LTBP1: variants seen among roughly 807,000 people sequenced by gnomAD.
The protein encoded by LTBP1 is latent-transforming growth factor beta-binding protein 1.
In LTBP1, 129 loss-of-function variants were observed where a neutral mutation model predicts 207.6. The ratio of observed to expected loss-of-function variants is 0.62; its 90% CI spans 0.54 to 0.72. LTBP1 has a LOEUF of 0.72. Ranked by LOEUF, LTBP1 falls within the 30% of genes least tolerant of loss-of-function variation. The pLI, the probability that LTBP1 is intolerant of heterozygous loss-of-function variation, is 0.00. For synonymous variants in LTBP1, 963 were observed against 833.7 expected (o/e 1.16, Z -2.67); for missense variants, 2,281 against 2,217.2 (o/e 1.03, Z -0.58).
At chr2:33,317,912 T>C (rs896519046) in intron 24 of LTBP1, 8 of 152,146 alleles carry the variant, frequency 5.3e-5, no homozygotes, top group African/African-American at 1.7e-4. Context: ...CATGGCAGCT[T>C]CTATAGCAAT....
rs1680556706 is a variant in LTBP1 at position 32,969,604 on chromosome 2, T to A, written c.565+20659T>A. 2.0e-5 allele frequency among the ~76,000 whole-genome samples: 3 copies of A among 152,318 alleles called. No individual in the cohort carries two copies. The South Asian group carries it at 6.2e-4, about 32-fold the overall frequency. The stretch of plus-strand genomic sequence containing the variant: ...CCATGTTGTTGCAAAGGACATGATC[T>A]CATTCTTTTTTAAGGCTGTGTAATA... On this transcript the variant is annotated intron_variant, in intron 2 of 33. Transcript: ENST00000404816.
At chr2:33,109,965 T>G (rs2080295699) in intron 3 of LTBP1, among the ~76,000 whole-genome samples, 1 of 152,252 alleles carries the variant, frequency 6.6e-6, no homozygotes, top group Non-Finnish European at 1.5e-5. Flanking sequence ...TTGCTTTTGC[T>G]TAACTAATAC....
At chr2:33,251,399 G>A (rs1044020345) in intron 10 of LTBP1, among the ~76,000 whole-genome samples, 3 of 152,128 alleles carry the variant, frequency 2.0e-5, no homozygotes, top group Non-Finnish European at 2.9e-5. Context: ...GGTGGCTCAC[G>A]CCTGTAATCC....
intron 26 of LTBP1, among the ~76,000 whole-genome samples, chr2:33,358,253 A>G (rs924157938): frequency 1.3e-5 from 2 of 152,092 alleles, no homozygotes; most frequent in East Asian, 3.8e-4. Context: ...AATTATAGTT[A>G]CATTATTGAT....
chr2:33,307,251 A>C (rs938542459), intron 22 of LTBP1, among the ~76,000 whole-genome samples: 1 of 152,188 alleles, frequency 6.6e-6, no homozygotes, highest in African/African-American at 2.4e-5. Flanking sequence ...AATATAACCT[A>C]ATTCCATGAC....
chr2:33,216,177 A>C (rs986793773), intron 7 of LTBP1, among the ~76,000 whole-genome samples: 2 of 152,210 alleles, frequency 1.3e-5, no homozygotes, highest in Admixed American at 1.3e-4. Context: ...CGCATTTAAC[A>C]AAAATGCATC....
intron 1 of LTBP1, among the ~76,000 whole-genome samples, chr2:32,948,033 G>A (rs1676519053): frequency 6.6e-6 from 1 of 152,232 alleles, no homozygotes; most frequent in Non-Finnish European, 1.5e-5. Context: ...AACTCCGAGT[G>A]CATTGTTACC....
intron 31 of LTBP1, among the ~76,000 whole-genome samples, chr2:33,379,119 C>T (rs2095180960): frequency 6.6e-6 from 1 of 151,092 alleles, no homozygotes; most frequent in South Asian, 2.1e-4. Flanking sequence ...CTGTTTTGAG[C>T]AGTTGTGCTG....
At chr2:33,310,570 T>A (rs1027356185) in intron 23 of LTBP1, among the ~76,000 whole-genome samples, 5 of 152,180 alleles carry the variant, frequency 3.3e-5, no homozygotes, top group Admixed American at 1.3e-4. Context: ...GGGAGTATGC[T>A]GCTCTCTAAT....
chr2:33,335,964 G>A lies in LTBP1; in HGVS notation c.3731-6874G>A, dbSNP rs534886469. Among the ~76,000 whole-genome samples, 7 of 152,238 alleles carry A rather than the reference G, an allele frequency of 4.6e-5. 1 individual carries two copies. The highest frequency in any genetic ancestry group is 1.7e-4 in the African/African-American group (7 of 41,538). ...TTCCAGGAGCACCGATGCTAGACAT[G>A]GTCCTGTCTAAGTCCTGGGACCTCC... On this transcript the variant is annotated intron_variant, in intron 24 of 33. Coordinates refer to ENST00000404816, the MANE Select transcript of LTBP1 (RefSeq NM_206943.4).
At chr2:33,264,151 A>T (rs553561139) in intron 15 of LTBP1, among the ~76,000 whole-genome samples, 2 of 147,784 alleles carry the variant, frequency 1.4e-5, no homozygotes, top group East Asian at 4.1e-4. Flanking sequence ...AGCTACTTAG[A>T]AGGCTGAGGC....
chr2:33,347,099 C>G (rs2094713186), intron 25 of LTBP1, among the ~76,000 whole-genome samples: 1 of 117,224 alleles, frequency 8.5e-6, no homozygotes, highest in African/African-American at 3.4e-5. Context: ...GCCTGGGCGA[C>G]AGAGCGAGAC....
At position 33,134,803 on chromosome 2, in the gene LTBP1, C is replaced by A. The variant is rs774033569; in HGVS notation, c.1044C>A (p.His348Gln). ...QVAAPFQLSN[H>Q]TGRIKVVFTP... is the part of the protein sequence containing the mutation. ...TGCCTCCGCTCCTAGTGAGTAACCA[C>A]ACTGGCCGCATCAAGGTGGTCTTTA... Residue 348 changes from histidine (H) to glutamine (Q), a missense_variant, in exon 5 of 34, where the codon CAC becomes CAA. His to Gln is a conservative substitution (Grantham distance 24). This residue lies in a region of LTBP1 where 555 missense variants were observed against 491.0 expected (regional missense o/e 1.13). Transcript: ENST00000404816. The surrounding 1 kb of genome is among the most constrained non-coding windows in gnomAD (Gnocchi z 4.4). 2 of 1,614,118 alleles carry A rather than the reference C, an allele frequency of 1.2e-6. No homozygotes were observed. The highest frequency in any genetic ancestry group is 1.7e-6 in the Non-Finnish European group (2 of 1,180,026).
intron 31 of LTBP1, among the ~76,000 whole-genome samples, chr2:33,378,731 C>G (rs1416781763): frequency 6.6e-6 from 1 of 152,168 alleles, no homozygotes; most frequent in South Asian, 2.1e-4. Context: ...CTCTTCTTAA[C>G]GAACCTAATA....
intron 2 of LTBP1, among the ~76,000 whole-genome samples, chr2:32,957,475 G>C (rs1413743392): frequency 6.6e-6 from 1 of 152,150 alleles, no homozygotes; most frequent in Non-Finnish European, 1.5e-5. Flanking sequence ...AGAGATGAGG[G>C]AACGGCTGGT....
chr2:33,034,745 C>T (rs537530844), intron 3 of LTBP1, among the ~76,000 whole-genome samples: 2 of 152,066 alleles, frequency 1.3e-5, no homozygotes, highest in East Asian at 3.9e-4. Context: ...TTTGAAATAG[C>T]ATCTGGTTAA....
chr2:33,344,197 C>A (rs75093047), intron 25 of LTBP1, among the ~76,000 whole-genome samples: 2,240 of 152,284 alleles, frequency 0.015, 24 homozygotes, highest in East Asian at 0.023. Flanking sequence ...CATGCATAAG[C>A]AGTAGCTAGT....
chr2:33,068,150 C>T (rs935596369), intron 3 of LTBP1, among the ~76,000 whole-genome samples: 2 of 113,956 alleles, frequency 1.8e-5, no homozygotes, highest in South Asian at 2.7e-4. Flanking sequence ...GTAACATTTG[C>T]GATTCTTTTT....
chr2:33,388,772 G>C (rs2095289302), intron 31 of LTBP1, among the ~76,000 whole-genome samples: 1 of 152,104 alleles, frequency 6.6e-6, no homozygotes, highest in Non-Finnish European at 1.5e-5. Context: ...TCTCTAGAGA[G>C]CGAAAAAGCA....
Sources: allele counts gnomAD v4.1 joint callset (sites outside exome capture counted in the v4.1 genomes callset), GRCh38; gene constraint gnomAD v4.1.1; regional missense constraint gnomAD v4.1.1; non-coding constraint Gnocchi (gnomAD v3.1); transcripts MANE v1.5; gene names NCBI Gene and HGNC (gene_info 2026-07-23, HGNC 2026-07-21).